Variants in RASGRP2 observed in about 807,000 individuals in gnomAD.
RASGRP2 encodes the protein RAS guanyl-releasing protein 2.
RASGRP2 carries 44 observed loss-of-function variants against 71.0 expected under a neutral mutation model. That is an observed-to-expected ratio of 0.62 (90% CI 0.49 to 0.80). The LOEUF (loss-of-function observed/expected upper bound fraction) is 0.80. Among genes scored for constraint, RASGRP2 ranks in the 30% least tolerant of loss-of-function variants. The probability of loss-of-function intolerance (pLI) is 0.00; values close to 1 mark genes in which losing one functional copy is unlikely to be tolerated. For synonymous variants in RASGRP2, 350 were observed against 330.7 expected, an observed-to-expected ratio of 1.06 and a Z score of -0.63; for missense variants, 663 against 813.4, an observed-to-expected ratio of 0.82 and a Z score of 2.25.
At chr11:64,727,567 C>T (rs2057610737) in intron 15 of RASGRP2, among the ~76,000 whole-genome samples, 1 of 138,192 alleles carries the variant, frequency 7.2e-6, no homozygotes, top group Non-Finnish European at 1.5e-5. Context: ...GGCTGGAGTG[C>T]AATGGCGCAA....
At position 64,739,532 on chromosome 11, in the gene RASGRP2, G is replaced by A. The variant is rs1018089150; in HGVS notation, c.697-56C>T. On this transcript the variant is annotated intron_variant, in intron 7 of 16. Coordinates refer to ENST00000394432, the MANE Select transcript of RASGRP2 (RefSeq NM_001098671.2). This position sits in a 1 kb window ranked among gnomAD's most constrained non-coding sequence, Gnocchi z 4.2. Reference sequence around the variant, plus strand: ...GAGTCACTGAGTGGGCCCAGAATTTGGCCCAGCTTATCTAGAGAGAAGGCA... The same window carrying A: ...GAGTCACTGAGTGGGCCCAGAATTTAGCCCAGCTTATCTAGAGAGAAGGCA... 1 of 1,608,634 alleles carries A rather than the reference G, an allele frequency of 6.2e-7. No homozygotes were observed.
Position 64,739,688 on chromosome 11 carries a change from G to C in RASGRP2, c.644C>G (p.Pro215Arg). ...GACCAGGGCCCGCTGCGGGGCTGTG[G>C]GTTTGCTGAGGATCATGAGCTGCAC... ...QWVQLMILSK[P>R]TAPQRALVIT... Residue 215 changes from proline (P) to arginine (R), a missense_variant, in exon 7 of 17, where the codon CCC becomes CGC. Pro to Arg is a moderately radical substitution (Grantham distance 103). Coordinates refer to ENST00000394432, the MANE Select transcript of RASGRP2 (RefSeq NM_001098671.2). This position sits in a 1 kb window ranked among gnomAD's most constrained non-coding sequence, Gnocchi z 4.2. 1 of 1,613,976 alleles carries C rather than the reference G, an allele frequency of 6.2e-7. No individual in the cohort carries two copies. The highest frequency in any genetic ancestry group is 8.5e-7 in the Non-Finnish European group (1 of 1,179,958).
rs1592378497 is a variant in RASGRP2 at position 64,739,348 on chromosome 11, A to C, written c.813+12T>G. 1.2e-6 allele frequency: 2 copies of C among 1,607,816 alleles called. No individual in the cohort carries two copies. Among genetic ancestry groups the C allele is most frequent in the Non-Finnish European group, 1.7e-6 (2 of 1,174,242 alleles). ...ACCTGGGAAGCACCGGCCCCTCCCC[A>C]GTCCCAGGCACCTTGATGGTCTCAG... is the stretch of plus-strand genomic sequence containing the variant. On this transcript the variant is annotated intron_variant, in intron 8 of 16. Coordinates refer to ENST00000394432, the MANE Select transcript of RASGRP2 (RefSeq NM_001098671.2). This position sits in a 1 kb window ranked among gnomAD's most constrained non-coding sequence, Gnocchi z 4.2.
Position 64,742,242 on chromosome 11 carries a change from C to G in RASGRP2, c.74-130G>C, listed in dbSNP as rs1335317568. ...CGACCCCGCCCACCTCCTGCTTGCC[C>G]AGGACTCCGAGAGCAGGAGGCAAAT... On this transcript the variant is annotated intron_variant, in intron 2 of 16. Transcript: ENST00000394432. The surrounding 1 kb of genome is among the most constrained non-coding windows in gnomAD (Gnocchi z 4.7). The G allele has an allele frequency of 2.7e-6, 2 of 748,862 alleles. No homozygotes were observed. The highest frequency in any genetic ancestry group is 1.7e-5 in the African/African-American group (1 of 57,810). The allele number at this position is 748,862 out of a possible 1,614,324, so 46.4% of individuals were successfully genotyped here.
At position 64,741,499 on chromosome 11, in the gene RASGRP2, T is replaced by C; in HGVS notation, c.179A>G (p.Tyr60Cys). The C allele has an allele frequency of 1.3e-6, 2 of 1,578,884 alleles. No homozygotes were observed. The highest frequency in any genetic ancestry group is 1.2e-5 in the South Asian group (1 of 86,380). The change falls in exon 4 of 17, where the codon TAC becomes TGC. Residue 60 changes from tyrosine (Y) to cysteine (C), a missense_variant and splice_region_variant. Coordinates refer to ENST00000394432, the MANE Select transcript of RASGRP2 (RefSeq NM_001098671.2). ...GGAGTTGTCCTTCCGGGATTGTTGG[T>C]AGGTGAAGGAGAGGGTTAAGGAGGC... is the stretch of plus-strand genomic sequence containing the variant. ...SQLAAKLLHIYQQSRKDNSNS... is the reference protein window; with the variant it reads ...SQLAAKLLHICQQSRKDNSNS...
chr11:64,737,104 A>G lies in RASGRP2; in HGVS notation c.814-70T>C, dbSNP rs554704356. ...CCTACCTCAGCCCTGGAAATGTAGG[A>G]GGGGGTGAGGAGGAGTCAGGGTCAG... On this transcript the variant is annotated intron_variant, in intron 8 of 16. Transcript: ENST00000394432. 4.1e-5 allele frequency: 65 copies of G among 1,583,060 alleles called. No homozygotes were observed. In the African/African-American group the frequency reaches 6.1e-4, roughly 15 times the overall value.
In RASGRP2 at chr11:64,743,269, C is replaced by A. The variant is rs1411714096; in HGVS notation, c.-71-332G>T. Reference sequence around the variant, plus strand: ...CGCGCCCTCTCCCCAGAGGCACCTGCAGCACCCCGCAGCTCGGCTCTGCGC... The same window carrying A: ...CGCGCCCTCTCCCCAGAGGCACCTGAAGCACCCCGCAGCTCGGCTCTGCGC... On this transcript the variant is annotated intron_variant, in intron 1 of 16. Coordinates refer to ENST00000394432, the MANE Select transcript of RASGRP2 (RefSeq NM_001098671.2). This position sits in a 1 kb window ranked among gnomAD's most constrained non-coding sequence, Gnocchi z 4.9. The A allele has an allele frequency of 1.5e-5, 7 of 476,594 alleles. No homozygotes were observed. Among genetic ancestry groups the A allele is most frequent in the Admixed American group, 1.4e-4 (6 of 42,984 alleles). The allele number at this position is 476,594 out of a possible 1,614,324, so 29.5% of individuals were successfully genotyped here.
rs563686135 is a variant in RASGRP2, at chr11:64,736,777, G to T, written c.1071C>A (p.Asn357Lys). 5 of 1,599,036 alleles carry T rather than the reference G, an allele frequency of 3.1e-6. No individual in the cohort carries two copies. The highest frequency in any genetic ancestry group is 2.1e-4 in the Middle Eastern group (1 of 4,800). ...CCGTGAGCAGGCTCAGCAGGTCGGG[G>T]TTGGCCTGTACTGGTGGCCGCAGGC... is the stretch of plus-strand genomic sequence containing the variant. ...VTSLRPPVQA[N>K]PDLLSLLTVS... The change falls in exon 9 of 17, where the codon AAC (asparagine) becomes AAA (lysine). Residue 357 changes from asparagine to lysine, a missense_variant. Physicochemically the swap from Asn to Lys is moderately conservative, Grantham distance 94 (BLOSUM62 0). Transcript: ENST00000394432.
intron 8 of RASGRP2, among the ~76,000 whole-genome samples, chr11:64,737,970 C>A (rs2058002038): frequency 6.6e-6 from 1 of 151,636 alleles, no homozygotes; most frequent in South Asian, 2.1e-4. Context: ...CACGTAAACC[C>A]AGGAGACGGA....
intron 8 of RASGRP2, among the ~76,000 whole-genome samples, chr11:64,738,863 C>T (rs1018026875): frequency 2.0e-5 from 3 of 151,788 alleles, no homozygotes; most frequent in Non-Finnish European, 4.4e-5. Context: ...ATGGCTCAAG[C>T]CATAATCTCA....
chr11:64,742,973 T>C lies in RASGRP2; in HGVS notation c.-71-36A>G, dbSNP rs763804576. 1 of 1,511,034 alleles carries C rather than the reference T, an allele frequency of 6.6e-7. No homozygotes were observed. Among genetic ancestry groups the C allele is most frequent in the South Asian group, 1.2e-5 (1 of 81,300 alleles). 93.6% of individuals were successfully genotyped at this position (1,511,034 alleles called of 1,614,324 possible). A position where few individuals can be genotyped will look rare whatever the true frequency, so the allele number is the denominator to read the frequency against. On this transcript the variant is annotated intron_variant, in intron 1 of 16. Transcript: ENST00000394432. This position sits in a 1 kb window ranked among gnomAD's most constrained non-coding sequence, Gnocchi z 4.7. Reference sequence around the variant, plus strand: ...AGAGGCAGAGCGGGAGTCTGCGGAGTCGCGGGCGGGGGAGCGGCCCCGCGG... The same window carrying C: ...AGAGGCAGAGCGGGAGTCTGCGGAGCCGCGGGCGGGGGAGCGGCCCCGCGG...
chr11:64,729,647 G>A, intron 14 of RASGRP2, 115 bp downstream of exon 14: 1 of 1,338,894 alleles, frequency 7.5e-7, no homozygotes, highest in Non-Finnish European at 1.1e-6. Context: ...ATGCGCCTCT[G>A]ATTTTAAGGT....
Position 64,742,394 on chromosome 11 carries a change from C to A in RASGRP2, c.74-282G>T, listed in dbSNP as rs2058158307. 1 of 579,616 alleles carries A rather than the reference C, an allele frequency of 1.7e-6. No homozygotes were observed. The highest frequency in any genetic ancestry group is 2.0e-5 in the South Asian group (1 of 50,226). 35.9% of individuals were successfully genotyped at this position (579,616 alleles called of 1,614,324 possible). Reference sequence around the variant, plus strand: ...GGAAGGAGCCTGGGTTCCCCGGGGTCAAGAATCCAGAGGTCATTTCCTGAG... The same window carrying A: ...GGAAGGAGCCTGGGTTCCCCGGGGTAAAGAATCCAGAGGTCATTTCCTGAG... On this transcript the variant is annotated intron_variant, in intron 2 of 16. Transcript: ENST00000394432. This position sits in a 1 kb window ranked among gnomAD's most constrained non-coding sequence, Gnocchi z 4.7.
At position 64,742,429 on chromosome 11, in the gene RASGRP2, G is replaced by A. The variant is rs1000938385; in HGVS notation, c.74-317C>T. On this transcript the variant is annotated intron_variant, in intron 2 of 16. Coordinates refer to ENST00000394432, the MANE Select transcript of RASGRP2 (RefSeq NM_001098671.2). The surrounding 1 kb of genome is among the most constrained non-coding windows in gnomAD (Gnocchi z 4.7). ...GAGGTCATTTCCTGAGCGCTTGGGG[G>A]GAAGGGGCACCCCTTCACCAGATAA... 2 of 563,236 alleles carry A rather than the reference G, an allele frequency of 3.6e-6. No individual in the cohort carries two copies. Among genetic ancestry groups the A allele is most frequent in the Admixed American group, 3.1e-5 (1 of 32,680 alleles). The allele number at this position is 563,236 out of a possible 1,614,324, so 34.9% of individuals were successfully genotyped here.
intron 12 of RASGRP2, 136 bp downstream of exon 12, chr11:64,734,976 C>A (rs768574155): frequency 2.5e-5 from 18 of 731,988 alleles, no homozygotes; most frequent in Non-Finnish European, 4.4e-5. Flanking sequence ...AAAGCAAGTG[C>A]CCTTTCCCAC....
chr11:64,737,166 CCCA>C, intron 8 of RASGRP2, 132 bp from the exon 9 acceptor site: 1 of 1,076,734 alleles, frequency 9.3e-7, no homozygotes, highest in South Asian at 1.4e-5. Flanking sequence ...CTTACTGTCC[CCCA>C]CGACTGGCTC....
chr11:64,738,777 CAATACTTCAA>C (rs1321220195), intron 8 of RASGRP2, among the ~76,000 whole-genome samples: 2 of 151,674 alleles, frequency 1.3e-5, no homozygotes, highest in Non-Finnish European at 2.9e-5. Context: ...GTATGTTACT[CAATACTTCAA>C]AATACTTCAA....
rs560187757 is a variant in RASGRP2, at chr11:64,740,116, C to A, written c.419G>T (p.Gly140Val). The change falls in exon 6 of 17, where the codon GGA becomes GTA. Residue 140 changes from glycine (G) to valine (V), a missense_variant. Coordinates refer to ENST00000394432, the MANE Select transcript of RASGRP2 (RefSeq NM_001098671.2). ...KRQVTQRNPV[G>V]QKKRKMSLLF... is the part of the protein sequence containing the mutation. The stretch of plus-strand genomic sequence containing the variant: ...CAGGGACATCTTGCGCTTTTTCTGT[C>A]CCACAGGGTTCCGCTGAGTCACCTG... 74 of 1,614,114 alleles carry A rather than the reference C, an allele frequency of 4.6e-5. No homozygotes were observed. In the South Asian group the frequency reaches 7.6e-4, roughly 17 times the overall value.
At chr11:64,732,730 G>C (rs1212452) in intron 12 of RASGRP2, among the ~76,000 whole-genome samples, 1 of 151,048 alleles carries the variant, frequency 6.6e-6, no homozygotes, top group Non-Finnish European at 1.5e-5. Context: ...GCAGTGAGCC[G>C]AGATCGCGCC....
Sources: gnomAD v4.1 joint callset for allele counts (sites outside exome capture counted in the v4.1 genomes callset) on GRCh38, gnomAD v4.1.1 for gene constraint, Gnocchi (gnomAD v3.1) non-coding constraint, MANE v1.5 for transcripts, NCBI Gene and HGNC (gene_info 2026-07-23, HGNC 2026-07-21) for gene names.